Variants in OTUB2 observed in about 807,000 individuals in gnomAD.
OTUB2 encodes ubiquitin thioesterase OTUB2.
In OTUB2, 21 loss-of-function variants were observed where a neutral mutation model predicts 25.1. That is an observed-to-expected ratio of 0.84 (90% CI 0.59 to 1.21). The LOEUF is 1.21. Among genes scored for constraint, OTUB2 ranks in the 50% most tolerant of loss-of-function variants. OTUB2 has a pLI of 0.00. For synonymous variants in OTUB2, 122 were observed against 122.8 expected (o/e 0.99, Z 0.04); for missense variants, 283 against 298.0 (o/e 0.95, Z 0.37).
intron 1 of OTUB2, among the ~76,000 whole-genome samples, chr14:94,036,107 A>G (rs11622940): frequency 0.082 from 12,454 of 152,202 alleles, 545 homozygotes; most frequent in Middle Eastern, 0.16. Flanking sequence ...GTATTTCTTC[A>G]GGTGGAGAAA....
chr14:94,039,993 T>A (rs60816973), intron 3 of OTUB2, among the ~76,000 whole-genome samples: 4 of 151,924 alleles, frequency 2.6e-5, no homozygotes, highest in African/African-American at 9.7e-5. Context: ...GGCTGTCCTA[T>A]GCATTGTAGG....
chr14:94,042,476 G>A (rs1178276041), intron 3 of OTUB2, among the ~76,000 whole-genome samples: 2 of 149,162 alleles, frequency 1.3e-5, no homozygotes, highest in Non-Finnish European at 3.0e-5. Context: ...AATGTGGAAT[G>A]AGGCAGAGGT....
At chr14:94,042,876 T>C (rs1364055737) in intron 3 of OTUB2, among the ~76,000 whole-genome samples, 1 of 152,202 alleles carries the variant, frequency 6.6e-6, no homozygotes, top group African/African-American at 2.4e-5. Flanking sequence ...GTGGAGCTTA[T>C]GGCCAAAAGC....
chr14:94,030,356 G>A (rs1250502329), intron 1 of OTUB2, among the ~76,000 whole-genome samples: 1 of 151,590 alleles, frequency 6.6e-6, no homozygotes, highest in Non-Finnish European at 1.5e-5. Context: ...GGGGTGGGGG[G>A]CGAGGTGGGC....
At chr14:94,038,878 G>T in intron 2 of OTUB2, 85 bp from the exon 3 acceptor site, 6 of 1,166,032 alleles carry the variant, frequency 5.1e-6, no homozygotes, top group Non-Finnish European at 7.8e-6. Flanking sequence ...TGGGAGAGAT[G>T]GGGGGCACCT....
intron 1 of OTUB2, among the ~76,000 whole-genome samples, chr14:94,030,387 G>A (rs1418436694): frequency 2.0e-5 from 3 of 151,954 alleles, no homozygotes; most frequent in Non-Finnish European, 2.9e-5. Context: ...TCAGGGACAC[G>A]CTAATTCAGT....
At position 94,048,871 on chromosome 14, in the gene OTUB2, C is replaced by G. The variant is rs34896097; in HGVS notation, c.*2949C>G. 6.6e-6 allele frequency: 1 copy of G among 152,274 alleles called. No homozygotes were observed. The highest frequency in any genetic ancestry group is 1.5e-5 in the Non-Finnish European group (1 of 68,060). The allele number at this position is 152,274 out of a possible 1,614,324, so 9.4% of individuals were successfully genotyped here. ...GGCCCTGCTGGATGTGGGCCAAGCC[C>G]TACAGCTTCCCTAGGCAGTAAGTAA... On this transcript the variant is annotated 3_prime_UTR_variant, in exon 6 of 6. Transcript: ENST00000203664.
At chr14:94,035,493 C>T (rs1312083368) in intron 1 of OTUB2, among the ~76,000 whole-genome samples, 1 of 151,884 alleles carries the variant, frequency 6.6e-6, no homozygotes, top group Admixed American at 6.6e-5. Context: ...GTTTCGCCAT[C>T]TTGGACAGGC....
At chr14:94,034,963 C>A (rs1034473177) in intron 1 of OTUB2, among the ~76,000 whole-genome samples, 2 of 152,160 alleles carry the variant, frequency 1.3e-5, no homozygotes, top group African/African-American at 4.8e-5. Context: ...AGTCATTTTT[C>A]ATCATGTTGT....
At chr14:94,031,238 G>GAAA (rs34660745) in intron 1 of OTUB2, among the ~76,000 whole-genome samples, 14 of 124,376 alleles carry the variant, frequency 1.1e-4, no homozygotes, top group East Asian at 7.2e-4. Context: ...TCCCATCTCA[G>GAAA]AAAAAAAAAA....
At chr14:94,045,237 T>C (rs1001251090) in intron 5 of OTUB2, among the ~76,000 whole-genome samples, 2 of 152,168 alleles carry the variant, frequency 1.3e-5, no homozygotes, top group Non-Finnish European at 2.9e-5. Flanking sequence ...GCCCTCTCTA[T>C]GTAGGACATA....
intron 1 of OTUB2, among the ~76,000 whole-genome samples, chr14:94,036,936 G>A (rs1457620560): frequency 8.5e-5 from 13 of 152,146 alleles, no homozygotes. Context: ...CCTTCCTTCT[G>A]TATTTCCAGC....
intron 3 of OTUB2, among the ~76,000 whole-genome samples, chr14:94,041,306 A>T (rs984070837): frequency 2.0e-5 from 3 of 152,006 alleles, no homozygotes; most frequent in African/African-American, 7.3e-5. Flanking sequence ...TGCTGTCTGA[A>T]ATGTCCGGGA....
intron 3 of OTUB2, among the ~76,000 whole-genome samples, chr14:94,040,885 T>A (rs1885147604): frequency 6.6e-6 from 1 of 151,034 alleles, no homozygotes; most frequent in East Asian, 1.9e-4. Context: ...TCAAGCAGGG[T>A]TGGAGAGGTA....
At chr14:94,033,527 G>C (rs1398175175) in intron 1 of OTUB2, among the ~76,000 whole-genome samples, 2 of 152,180 alleles carry the variant, frequency 1.3e-5, no homozygotes, top group Non-Finnish European at 2.9e-5. Context: ...TTTGGTTTTG[G>C]TTTCGGGCAG....
intron 1 of OTUB2, among the ~76,000 whole-genome samples, chr14:94,031,249 A>G (rs1443177674): frequency 4.0e-5 from 6 of 151,712 alleles, no homozygotes; most frequent in Admixed American, 6.6e-5. Context: ...AAAAAAAAAA[A>G]AAAGAAAAAG....
intron 1 of OTUB2, among the ~76,000 whole-genome samples, chr14:94,032,271 C>T (rs750826580): frequency 9.9e-5 from 15 of 151,894 alleles, no homozygotes; most frequent in East Asian, 1.9e-4. Context: ...AGCCCACCTG[C>T]GAGACATTTG....
At chr14:94,031,265 A>G (rs1232597733) in intron 1 of OTUB2, among the ~76,000 whole-genome samples, 1 of 151,862 alleles carries the variant, frequency 6.6e-6, no homozygotes, top group Admixed American at 6.6e-5. Flanking sequence ...AAAAGAAAAC[A>G]ATGTTGAGCA....
intron 1 of OTUB2, among the ~76,000 whole-genome samples, chr14:94,032,615 G>A (rs1411641636): frequency 1.3e-5 from 2 of 152,044 alleles, no homozygotes; most frequent in East Asian, 1.9e-4. Context: ...TGGGGGCGAG[G>A]GTTGCACTGT....
Sources: gnomAD v4.1 joint callset for allele counts (sites outside exome capture counted in the v4.1 genomes callset) on GRCh38, gnomAD v4.1.1 for gene constraint, MANE v1.5 for transcripts, NCBI Gene and HGNC (gene_info 2026-07-23, HGNC 2026-07-21) for gene names.